The following ENTHD1 variants were observed in gnomAD, a reference collection of about 807,000 sequenced individuals.
ENTHD1 encodes ENTH domain-containing protein 1.
ENTHD1 carries 23 observed loss-of-function variants against 39.1 expected under a neutral mutation model. The ratio of observed to expected loss-of-function variants is 0.59; its 90% CI spans 0.42 to 0.83. ENTHD1 has a LOEUF of 0.83. Ranked by LOEUF, ENTHD1 falls within the 40% of genes least tolerant of loss-of-function variation. The probability of loss-of-function intolerance (pLI) is 0.00; values close to 1 mark genes in which losing one functional copy is unlikely to be tolerated. For synonymous variants in ENTHD1, 230 were observed against 258.2 expected (o/e 0.89, Z 1.05); for missense variants, 624 against 705.4 (o/e 0.88, Z 1.31).
At chr22:39,849,037 G>A in intron 3 of ENTHD1, among the ~76,000 whole-genome samples, 1 of 151,960 alleles carries the variant, frequency 6.6e-6, no homozygotes, top group Middle Eastern at 3.2e-3. Context: ...TGTTTTCTAG[G>A]GTTATGGTTT....
At chr22:39,747,414 A>G (rs1255091523) in intron 6 of ENTHD1, among the ~76,000 whole-genome samples, 1 of 152,224 alleles carries the variant, frequency 6.6e-6, no homozygotes, top group Non-Finnish European at 1.5e-5. Flanking sequence ...AGGCTAGAAA[A>G]GGGGAAAGAT....
chr22:39,808,101 G>A (rs1026963248), intron 5 of ENTHD1, among the ~76,000 whole-genome samples: 1 of 152,116 alleles, frequency 6.6e-6, no homozygotes, highest in Admixed American at 6.6e-5. Flanking sequence ...TTCTTCATCT[G>A]TCTCATAAGA....
intron 6 of ENTHD1, among the ~76,000 whole-genome samples, chr22:39,763,745 GT>G (rs1362352796): frequency 2.0e-5 from 3 of 152,112 alleles, no homozygotes; most frequent in Admixed American, 6.5e-5. Flanking sequence ...AGACAAAAAA[GT>G]TCTCCTTGTT....
At chr22:39,813,415 A>G (rs1489736420) in intron 5 of ENTHD1, among the ~76,000 whole-genome samples, 2 of 152,238 alleles carry the variant, frequency 1.3e-5, no homozygotes, top group Non-Finnish European at 2.9e-5. Context: ...ATCAAAGATA[A>G]TATATCACAG....
intron 5 of ENTHD1, among the ~76,000 whole-genome samples, chr22:39,804,692 G>A (rs2065626922): frequency 6.6e-6 from 1 of 152,074 alleles, no homozygotes; most frequent in Admixed American, 6.6e-5. Context: ...TAACAGACAT[G>A]GTCTCCCTCC....
intron 2 of ENTHD1, among the ~76,000 whole-genome samples, chr22:39,868,596 A>T (rs1441060790): frequency 2.6e-5 from 4 of 152,170 alleles, no homozygotes; most frequent in Admixed American, 6.5e-5. Flanking sequence ...CCTCAAAAGC[A>T]ACTGCAATAA....
chr22:39,797,860 A>G (rs750463896), intron 5 of ENTHD1, among the ~76,000 whole-genome samples: 4 of 152,060 alleles, frequency 2.6e-5, no homozygotes, highest in Non-Finnish European at 4.4e-5. Flanking sequence ...TCTTGTTTTT[A>G]GAATTCTCTG....
At position 39,771,085 on chromosome 22, in the gene ENTHD1, C is replaced by CA. The variant is rs1735977457; in HGVS notation, c.833-5477_833-5476insT. On this transcript the variant is annotated intron_variant, in intron 5 of 6. Transcript: ENST00000325157. ...AGATTAGGTGTGCTTAAGCTGTACT[C>CA]TTTTTTTTTGCCCTTTCAGTTTTTA... Among the ~76,000 whole-genome samples the CA allele has an allele frequency of 2.6e-5, 4 of 151,074 alleles. 1 individual carries two copies. The highest frequency in any genetic ancestry group is 9.7e-5 in the African/African-American group (4 of 41,236).
chr22:39,849,750 A>G (rs2066020292), intron 3 of ENTHD1, among the ~76,000 whole-genome samples: 1 of 152,200 alleles, frequency 6.6e-6, no homozygotes, highest in South Asian at 2.1e-4. Flanking sequence ...ATAGCCAGCC[A>G]TCTTTCTAAA....
At chr22:39,798,202 C>T (rs1444642286) in intron 5 of ENTHD1, among the ~76,000 whole-genome samples, 2 of 151,826 alleles carry the variant, frequency 1.3e-5, no homozygotes, top group Non-Finnish European at 2.9e-5. Context: ...CTTCCAAATT[C>T]TTTCTTCTGC....
Position 39,743,651 on chromosome 22 carries a change from G to A in ENTHD1, c.*28C>T, listed in dbSNP as rs768975090. The A allele has an allele frequency of 1.3e-6, 2 of 1,547,634 alleles. No individual in the cohort carries two copies. The highest frequency in any genetic ancestry group is 1.3e-5 in the South Asian group (1 of 78,944). On this transcript the variant is annotated 3_prime_UTR_variant, in exon 7 of 7. Coordinates refer to ENST00000325157, the MANE Select transcript of ENTHD1 (RefSeq NM_152512.4). Reference sequence around the variant, plus strand: ...GTCTTGGGGAAGTGGAACCACACGAGTTCTATCAAAAATAGATATTGTGAT... The same window carrying A: ...GTCTTGGGGAAGTGGAACCACACGAATTCTATCAAAAATAGATATTGTGAT...
At chr22:39,876,121 T>C in intron 2 of ENTHD1, 8 of 1,586,184 alleles carry the variant, frequency 5.0e-6, no homozygotes, top group Non-Finnish European at 6.9e-6. Flanking sequence ...GTTAGAGACT[T>C]GGACTCAAGT....
intron 5 of ENTHD1, among the ~76,000 whole-genome samples, chr22:39,771,096 C>A (rs2065318517): frequency 6.6e-6 from 1 of 151,322 alleles, no homozygotes; most frequent in Non-Finnish European, 1.5e-5. Context: ...TTTTTTTTTG[C>A]CCTTTCAGTT....
At chr22:39,747,757 C>T (rs1453788831) in intron 6 of ENTHD1, among the ~76,000 whole-genome samples, 1 of 151,934 alleles carries the variant, frequency 6.6e-6, no homozygotes, top group African/African-American at 2.4e-5. Context: ...CTGGGATCAA[C>T]AGGTAGAACT....
intron 5 of ENTHD1, among the ~76,000 whole-genome samples, chr22:39,805,521 A>G (rs1310072565): frequency 2.6e-5 from 4 of 152,220 alleles, no homozygotes; most frequent in African/African-American, 7.2e-5. Flanking sequence ...TAACGTATCA[A>G]TTAATGTGGG....
chr22:39,765,846 C>A (rs2065272398), intron 5 of ENTHD1, among the ~76,000 whole-genome samples: 1 of 151,810 alleles, frequency 6.6e-6, no homozygotes, highest in Non-Finnish European at 1.5e-5. Context: ...CACTGAAGCA[C>A]AAAGCAAGGA....
rs2065073307 is a variant in ENTHD1, at chr22:39,743,246, T to C, written c.*433A>G. 6.5e-6 allele frequency: 1 copy of C among 153,508 alleles called. No homozygotes were observed. The highest frequency in any genetic ancestry group is 1.4e-5 in the Non-Finnish European group (1 of 69,036). The allele number at this position is 153,508 out of a possible 1,614,324, so 9.5% of individuals were successfully genotyped here. On this transcript the variant is annotated 3_prime_UTR_variant, in exon 7 of 7. Transcript: ENST00000325157. Reference sequence around the variant, plus strand: ...CTTGCAAAAGAATGTGTGAAATGTATACCCCCAAACTCAATCCTCCTAGGT... The same window carrying C: ...CTTGCAAAAGAATGTGTGAAATGTACACCCCCAAACTCAATCCTCCTAGGT...
At chr22:39,848,008 C>A (rs555518849) in intron 3 of ENTHD1, among the ~76,000 whole-genome samples, 1 of 152,298 alleles carries the variant, frequency 6.6e-6, no homozygotes, top group Admixed American at 6.5e-5. Flanking sequence ...AGGGAAGAAT[C>A]CACTTCCAAG....
chr22:39,783,083 G>A (rs2065423178), intron 5 of ENTHD1, among the ~76,000 whole-genome samples: 1 of 152,090 alleles, frequency 6.6e-6, no homozygotes, highest in Admixed American at 6.5e-5. Context: ...AGTAAAGCTG[G>A]AGGATGTAAA....
Sources: gnomAD v4.1 joint callset for allele counts (sites outside exome capture counted in the v4.1 genomes callset) on GRCh38, gnomAD v4.1.1 for gene constraint, MANE v1.5 for transcripts, NCBI Gene and HGNC (gene_info 2026-07-23, HGNC 2026-07-21) for gene names.